The following SCN8A variants were observed in gnomAD, a reference collection of about 807,000 sequenced individuals.
SCN8A encodes the protein sodium voltage-gated channel alpha subunit 8.
A neutral mutation model predicts 184.1 loss-of-function variants in SCN8A; 30 were observed. That is an observed-to-expected ratio of 0.16 (90% CI 0.12 to 0.22). SCN8A has a LOEUF of 0.22. Among genes scored for constraint, SCN8A ranks in the 10% least tolerant of loss-of-function variants. SCN8A has a pLI of 1.00. For synonymous variants in SCN8A, 852 were observed against 907.0 expected (o/e 0.94, Z 1.09); for missense variants, 1,057 against 2,498.9 (o/e 0.42, Z 12.30).
At chr12:51,636,555 A>T (rs1940322904) in intron 1 of SCN8A, among the ~76,000 whole-genome samples, 1 of 152,238 alleles carries the variant, frequency 6.6e-6, no homozygotes, top group African/African-American at 2.4e-5. Context: ...AAATTTACTT[A>T]TATAGTTTAT....
intron 3 of SCN8A, 135 bp from the exon 4 acceptor site, chr12:51,686,233 T>C: frequency 1.5e-6 from 1 of 662,780 alleles, no homozygotes; most frequent in Non-Finnish European, 2.7e-6. Context: ...CATTGTCACC[T>C]TGCATTTTTC....
At chr12:51,745,057 T>C (rs906999506) in intron 12 of SCN8A, among the ~76,000 whole-genome samples, 1 of 152,158 alleles carries the variant, frequency 6.6e-6, no homozygotes, top group African/African-American at 2.4e-5. Context: ...AGCCACCCCA[T>C]TAAGCCTGAA....
chr12:51,801,820 T>A (rs751939060), intron 26 of SCN8A, among the ~76,000 whole-genome samples: 4 of 152,172 alleles, frequency 2.6e-5, no homozygotes, highest in African/African-American at 9.7e-5. Flanking sequence ...TTTGGGAGGC[T>A]GAGGGGGGCG....
At chr12:51,722,045 C>G in intron 12 of SCN8A, 137 bp downstream of exon 12, 1 of 1,415,524 alleles carries the variant, frequency 7.1e-7, no homozygotes, top group Non-Finnish European at 9.7e-7. Flanking sequence ...TGTCTGGACC[C>G]CACTCCTGTT....
chr12:51,600,299 T>C (rs1230875825), intron 1 of SCN8A, among the ~76,000 whole-genome samples: 1 of 152,218 alleles, frequency 6.6e-6, no homozygotes, highest in Non-Finnish European at 1.5e-5. Context: ...AAGAATTCTA[T>C]ACCTTTTTAT....
At chr12:51,802,150 C>G (rs1265010479) in intron 26 of SCN8A, among the ~76,000 whole-genome samples, 1 of 152,148 alleles carries the variant, frequency 6.6e-6, no homozygotes, top group Non-Finnish European at 1.5e-5. Context: ...TGACTTGAGT[C>G]TAGTTACAGG....
Position 51,786,811 on chromosome 12 carries a change from G to A in SCN8A, c.4212G>A (p.Leu1404=), listed in dbSNP as rs1463259039. Residue 1404 remains leucine, a synonymous_variant, in exon 22 of 27, where the codon CTG becomes CTA. Coordinates refer to ENST00000627620, the MANE Select transcript of SCN8A (RefSeq NM_001330260.2). Reference sequence around the variant, plus strand: ...TTGACAATGTTGGGGCAGGATACCTGGCCCTTCTTCAAGTAGTAAGTAGTG... The same window carrying A: ...TTGACAATGTTGGGGCAGGATACCTAGCCCTTCTTCAAGTAGTAAGTAGTG... ...INFDNVGAGY[L]ALLQVATFKG... The A allele has an allele frequency of 2.5e-6, 4 of 1,613,198 alleles. No individual in the cohort carries two copies. The highest frequency in any genetic ancestry group is 1.7e-5 in the Admixed American group (1 of 59,850).
chr12:51,630,288 C>G (rs1467988574), intron 1 of SCN8A, among the ~76,000 whole-genome samples: 1 of 152,074 alleles, frequency 6.6e-6, no homozygotes, highest in Non-Finnish European at 1.5e-5. Flanking sequence ...TCCCAAGCCT[C>G]TGACAACCGC....
intron 1 of SCN8A, among the ~76,000 whole-genome samples, chr12:51,649,398 C>T (rs1940660508): frequency 6.6e-6 from 1 of 152,242 alleles, no homozygotes; most frequent in African/African-American, 2.4e-5. Context: ...AGGGCTCCAA[C>T]CCCACATTTC....
chr12:51,595,816 A>G (rs1225789608), intron 1 of SCN8A, among the ~76,000 whole-genome samples: 1 of 152,224 alleles, frequency 6.6e-6, no homozygotes, highest in Non-Finnish European at 1.5e-5. Flanking sequence ...GTAGTCTGAA[A>G]AGCAGACGGA....
In SCN8A at chr12:51,790,582, A is replaced by C; in HGVS notation, c.4524+80A>C. On this transcript the variant is annotated intron_variant, in intron 25 of 26. Coordinates refer to ENST00000627620, the MANE Select transcript of SCN8A (RefSeq NM_001330260.2). ...TAGTAGAGTTACTGCAAAGGAAGGA[A>C]AAAGGTAAGTGATTGGCTGCTTTGT... is the stretch of plus-strand genomic sequence containing the variant. The C allele has an allele frequency of 3.2e-6, 3 of 925,760 alleles. No individual in the cohort carries two copies. The South Asian group carries it at 4.7e-5, about 15-fold the overall frequency. 57.3% of individuals were successfully genotyped at this position (925,760 alleles called of 1,614,324 possible).
chr12:51,669,533 G>A (rs1487307955), intron 2 of SCN8A, among the ~76,000 whole-genome samples: 1 of 152,086 alleles, frequency 6.6e-6, no homozygotes, highest in African/African-American at 2.4e-5. Flanking sequence ...CTGTCTTTTA[G>A]TTTTACCTTT....
chr12:51,722,047 A>T (rs1180409542), intron 12 of SCN8A, 139 bp downstream of exon 12: 1 of 1,322,548 alleles, frequency 7.6e-7, no homozygotes. Flanking sequence ...TCTGGACCCC[A>T]CTCCTGTTAA....
chr12:51,596,231 G>T (rs1182481061), intron 1 of SCN8A, among the ~76,000 whole-genome samples: 1 of 152,132 alleles, frequency 6.6e-6, no homozygotes, highest in Non-Finnish European at 1.5e-5. Context: ...ATTTGAATGG[G>T]TCTCATAGGT....
Position 51,806,416 on chromosome 12 carries a change from T to C in SCN8A, c.4930T>C (p.Leu1644=). 2 of 1,613,918 alleles carry C rather than the reference T, an allele frequency of 1.2e-6. No homozygotes were observed. The highest frequency in any genetic ancestry group is 1.7e-6 in the Non-Finnish European group (2 of 1,179,792). The change falls in exon 27 of 27, where the codon TTA becomes CTA. Residue 1644 remains leucine, a synonymous_variant. Transcript: ENST00000627620. The surrounding 1 kb of genome is among the most constrained non-coding windows in gnomAD (Gnocchi z 8.7). ...AKGIRTLLFA[L]MMSLPALFNI... The stretch of plus-strand genomic sequence containing the variant: ...AGGGATTCGTACCCTGCTCTTTGCC[T>C]TAATGATGTCCTTGCCTGCCCTGTT...
chr12:51,722,317 C>A, intron 12 of SCN8A: 1 of 220,000 alleles, frequency 4.5e-6, no homozygotes. Context: ...CCTCTGGCCC[C>A]GGAGCCTGCC....
At chr12:51,728,890 C>T (rs1942197192) in intron 12 of SCN8A, among the ~76,000 whole-genome samples, 1 of 152,122 alleles carries the variant, frequency 6.6e-6, no homozygotes, top group South Asian at 2.1e-4. Flanking sequence ...CTTTTTATTA[C>T]CTTGACTACA....
intron 1 of SCN8A, among the ~76,000 whole-genome samples, chr12:51,620,775 C>T (rs1939943246): frequency 6.6e-6 from 1 of 151,476 alleles, no homozygotes; most frequent in Non-Finnish European, 1.5e-5. Context: ...ATCGCTTGAG[C>T]TCAGGAGTTT....
intron 25 of SCN8A, among the ~76,000 whole-genome samples, chr12:51,794,096 A>G (rs905439250): frequency 2.0e-5 from 3 of 152,108 alleles, no homozygotes; most frequent in Non-Finnish European, 4.4e-5. Flanking sequence ...CAGTGAGTCA[A>G]GATCGCACCA....
Sources: gnomAD v4.1 joint callset for allele counts (sites outside exome capture counted in the v4.1 genomes callset) on GRCh38, gnomAD v4.1.1 for gene constraint, Gnocchi (gnomAD v3.1) non-coding constraint, MANE v1.5 for transcripts, NCBI Gene and HGNC (gene_info 2026-07-23, HGNC 2026-07-21) for gene names.